PPL: variants seen among roughly 807,000 people sequenced by gnomAD.
The protein encoded by PPL is 190 kDa paraneoplastic pemphigus antigen.
Under a neutral mutation model 194.4 loss-of-function variants are expected in PPL, and 198 were observed. That is an observed-to-expected ratio of 1.02 (90% confidence interval 0.91 to 1.15). The LOEUF (loss-of-function observed/expected upper bound fraction) is 1.15. Ranked by LOEUF, PPL falls within the 50% of genes most tolerant of loss-of-function variation. The probability of loss-of-function intolerance (pLI) is 0.00; values close to 1 mark genes in which losing one functional copy is unlikely to be tolerated. For missense variants in PPL, 2,885 were observed against 2,294.8 expected, an observed-to-expected ratio of 1.26 and a Z score of -5.25; for synonymous variants, 1,220 against 972.4, an observed-to-expected ratio of 1.25 and a Z score of -4.74.
intron 9 of PPL, among the ~76,000 whole-genome samples, chr16:4,896,632 C>A (rs1037478288): frequency 6.9e-6 from 1 of 144,190 alleles, no homozygotes; most frequent in South Asian, 2.2e-4. Context: ...CTAATGAGTA[C>A]GGGGTTGTTT....
intron 1 of PPL, among the ~76,000 whole-genome samples, chr16:4,911,598 A>G (rs1171027500): frequency 1.3e-5 from 2 of 152,172 alleles, no homozygotes; most frequent in Non-Finnish European, 1.5e-5. Flanking sequence ...GTAGCGGCAC[A>G]GTCATGGCTC....
intron 1 of PPL, among the ~76,000 whole-genome samples, chr16:4,934,659 T>A (rs368145882): frequency 6.6e-5 from 10 of 151,974 alleles, no homozygotes; most frequent in African/African-American, 2.4e-4. Context: ...AGCGGGCCCC[T>A]GGAAAACTCA....
At chr16:4,909,490 G>A (rs924452866) in intron 2 of PPL, among the ~76,000 whole-genome samples, 3 of 144,858 alleles carry the variant, frequency 2.1e-5, no homozygotes, top group African/African-American at 5.3e-5. Context: ...GCAGTGGCAC[G>A]ATCTTGGCTC....
intron 1 of PPL, among the ~76,000 whole-genome samples, chr16:4,932,257 G>A (rs1184788258): frequency 1.0e-5 from 1 of 97,986 alleles, no homozygotes; most frequent in African/African-American, 2.7e-5. Context: ...GTATGTGCCT[G>A]AGAAATGGCG....
rs768024930 is a variant in PPL, at chr16:4,883,446, G to A, written c.5209C>T (p.Arg1737Cys). The part of the protein sequence containing the change: ...SGRLTPAQYD[R>C]YVNKDMSIQE... The stretch of plus-strand genomic sequence containing the variant: ...ATGGACATATCCTTGTTGACATAGC[G>A]GTCATACTGAGCAGGGGTCAGCCTG... The change falls in exon 22 of 22, where the codon CGC (arginine) becomes TGC (cysteine). Residue 1737 changes from arginine to cysteine, a missense_variant. Transcript: ENST00000345988. The surrounding 1 kb of genome is among the most constrained non-coding windows in gnomAD (Gnocchi z 4.8). 8 of 1,613,996 alleles carry A rather than the reference G, an allele frequency of 5.0e-6. No individual in the cohort carries two copies. The Admixed American group carries it at 5.0e-5, about 10-fold the overall frequency.
intron 1 of PPL, among the ~76,000 whole-genome samples, chr16:4,916,724 T>A (rs1471819312): frequency 6.6e-6 from 1 of 151,750 alleles, no homozygotes; most frequent in South Asian, 2.1e-4. Flanking sequence ...CAGCTGGTCT[T>A]GAACCCCTGG....
At chr16:4,903,227 G>C (rs181599106) in intron 3 of PPL, among the ~76,000 whole-genome samples, 1,639 of 152,194 alleles carry the variant, frequency 0.011, 14 homozygotes, top group Non-Finnish European at 0.016. Context: ...GCAGGAGTCA[G>C]GGGGGCTGAT....
chr16:4,909,167 T>C lies in PPL; in HGVS notation c.162+1683A>G, dbSNP rs185474745. ...CCACTCCTGGGGCCCCTGCAGGGGA[T>C]AGCTGGTGGCAGAGAACAGAGTCTC... On this transcript the variant is annotated intron_variant, in intron 2 of 21. Transcript: ENST00000345988. Among the ~76,000 whole-genome samples the C allele has an allele frequency of 4.4e-3, 670 of 152,118 alleles. 1 individual carries two copies. The highest frequency in any genetic ancestry group is 6.6e-3 in the Non-Finnish European group (450 of 67,970).
chr16:4,890,209 A>G lies in PPL; in HGVS notation c.2288T>C (p.Met763Thr), dbSNP rs146458916. 1.9e-3 allele frequency: 3,057 copies of G among 1,614,126 alleles called. 108 individuals are homozygous for G. In the Admixed American group the frequency reaches 0.049, roughly 26 times the overall value. ...EPQETDSLSQ[M>T]ETKLKNQKNL... ...CTTCTGGTTCTTCAGCTTGGTCTCC[A>G]TCTGGCTGAGGCTGTCTGTCTCCTG... Residue 763 changes from methionine (M) to threonine (T), a missense_variant, in exon 18 of 22, where the codon ATG (methionine) becomes ACG (threonine). By Grantham distance (81) the Met-to-Thr change is moderately conservative (BLOSUM62 -1). Coordinates refer to ENST00000345988, the MANE Select transcript of PPL (RefSeq NM_002705.5).
rs1039594422 is a variant in PPL, at chr16:4,922,216, G to A, written c.63-11267C>T. On this transcript the variant is annotated intron_variant, in intron 1 of 21. Transcript: ENST00000345988. ...TCTCTGAGCCTCAGTTTCCCCAGCT[G>A]TAAAATGAGAGTCATCACAGTATGC... Among the ~76,000 whole-genome samples, 3 of 152,166 alleles carry A rather than the reference G, an allele frequency of 2.0e-5. No individual in the cohort carries two copies. In the East Asian group the frequency reaches 5.8e-4, roughly 29 times the overall value.
Position 4,894,535 on chromosome 16 carries a change from C to T in PPL, c.1326G>A (p.Lys442=), listed in dbSNP as rs374602429. 35 of 1,613,946 alleles carry T rather than the reference C, an allele frequency of 2.2e-5. No individual in the cohort carries two copies. In the African/African-American group the frequency reaches 3.7e-4, roughly 17 times the overall value. The change falls in exon 12 of 22, where the codon AAG becomes AAA. Residue 442 remains lysine (K), a synonymous_variant. Coordinates refer to ENST00000345988, the MANE Select transcript of PPL (RefSeq NM_002705.5). ...CAAAACACACGGCCGGAGCAATCAG[C>T]TTGTTCCCAGCGCTGTCCATGAGCT... ...SWELMDSAGN[K]LIAPAVCFVI... is the part of the protein sequence containing the mutation.
Position 4,884,373 on chromosome 16 carries a change from C to T in PPL, c.4282G>A (p.Ala1428Thr). ...REVQRLQQRL[A>T]ALEQEEAEAR... ...TCAGCTTCTTCCTGCTCCAGCGCTG[C>T]CAGCCGCTGCTGCAACCGCTGTACC... The change falls in exon 22 of 22, where the codon GCA becomes ACA. Residue 1428 changes from alanine to threonine, a missense_variant. Physicochemically the swap from Ala to Thr is moderately conservative, Grantham distance 58 (BLOSUM62 0). Transcript: ENST00000345988. This position sits in a 1 kb window ranked among gnomAD's most constrained non-coding sequence, Gnocchi z 5.7. 1 of 1,611,838 alleles carries T rather than the reference C, an allele frequency of 6.2e-7. No homozygotes were observed. The highest frequency in any genetic ancestry group is 8.5e-7 in the Non-Finnish European group (1 of 1,179,598).
chr16:4,894,542 C>A lies in PPL; in HGVS notation c.1319G>T (p.Gly440Val). Residue 440 changes from glycine to valine, a missense_variant, in exon 12 of 22, where the codon GGG becomes GTG. Physicochemically the swap from Gly to Val is moderately radical, Grantham distance 109 (BLOSUM62 -3). Coordinates refer to ENST00000345988, the MANE Select transcript of PPL (RefSeq NM_002705.5). ...CACGGCCGGAGCAATCAGCTTGTTC[C>A]CAGCGCTGTCCATGAGCTCCCAGCT... ...GESWELMDSA[G>V]NKLIAPAVCF... The A allele has an allele frequency of 6.2e-7, 1 of 1,613,862 alleles. No homozygotes were observed. Among genetic ancestry groups the A allele is most frequent in the Middle Eastern group, 1.7e-4 (1 of 6,060 alleles).
At chr16:4,932,451 C>T (rs998547012) in intron 1 of PPL, among the ~76,000 whole-genome samples, 3 of 151,614 alleles carry the variant, frequency 2.0e-5, no homozygotes, top group African/African-American at 7.3e-5. Context: ...GCTCTGTCTC[C>T]CAGGCTGGAG....
In PPL at chr16:4,897,742, C is replaced by G; in HGVS notation, c.905G>C (p.Trp302Ser). 6.2e-7 allele frequency: 1 copy of G among 1,613,928 alleles called. No individual in the cohort carries two copies. Among genetic ancestry groups the G allele is most frequent in the East Asian group, 2.2e-5 (1 of 44,878 alleles). Reference sequence around the variant, plus strand: ...GATGAGCAGGTTCAGGTACTCCTTCCAGTCTGCGTGCACAGCCTCCATGTG... The same window carrying G: ...GATGAGCAGGTTCAGGTACTCCTTCGAGTCTGCGTGCACAGCCTCCATGTG... Reference protein sequence around the residue: ...EAHMEAVHADWKEYLNLLICE... With the variant: ...EAHMEAVHADSKEYLNLLICE... The change falls in exon 9 of 22, where the codon TGG becomes TCG. Residue 302 changes from tryptophan (W) to serine (S), a missense_variant. Trp to Ser is a radical substitution (Grantham distance 177). Coordinates refer to ENST00000345988, the MANE Select transcript of PPL (RefSeq NM_002705.5).
At chr16:4,921,338 C>G (rs1228567602) in intron 1 of PPL, among the ~76,000 whole-genome samples, 1 of 152,216 alleles carries the variant, frequency 6.6e-6, no homozygotes, top group Non-Finnish European at 1.5e-5. Context: ...CCTGAACAGC[C>G]ATCTTCTTGT....
At chr16:4,918,446 G>C (rs1355058354) in intron 1 of PPL, among the ~76,000 whole-genome samples, 1 of 152,178 alleles carries the variant, frequency 6.6e-6, no homozygotes, top group East Asian at 1.9e-4. Context: ...AACTCCTAGA[G>C]AGCTATTTGT....
chr16:4,935,174 A>G (rs1417310632), intron 1 of PPL, among the ~76,000 whole-genome samples: 1 of 152,158 alleles, frequency 6.6e-6, no homozygotes, highest in East Asian at 1.9e-4. Flanking sequence ...CTGCAGCTAT[A>G]AAGGATGGGA....
rs747257221 is a variant in PPL at position 4,887,149 on chromosome 16, T to G, written c.2593A>C (p.Asn865His). The G allele has an allele frequency of 2.5e-6, 4 of 1,613,748 alleles. No homozygotes were observed. The highest frequency in any genetic ancestry group is 1.3e-5 in the African/African-American group (1 of 75,036). Residue 865 changes from asparagine (N) to histidine (H), a missense_variant, in exon 21 of 22, where the codon AAT (asparagine) becomes CAT (histidine). By Grantham distance (68) the Asn-to-His change is moderately conservative. Coordinates refer to ENST00000345988, the MANE Select transcript of PPL (RefSeq NM_002705.5). Reference protein sequence around the residue: ...QRLQNLEFALNLLRQQPEVEV... With the variant: ...QRLQNLEFALHLLRQQPEVEV... Reference sequence around the variant, plus strand: ...AGATCAGTTACCTGTCTGAGGAGATTCAGAGCAAACTCCAGATTCTGCAGC... The same window carrying G: ...AGATCAGTTACCTGTCTGAGGAGATGCAGAGCAAACTCCAGATTCTGCAGC...
Sources: gnomAD v4.1 joint callset for allele counts (sites outside exome capture counted in the v4.1 genomes callset) on GRCh38, gnomAD v4.1.1 for gene constraint, Gnocchi (gnomAD v3.1) non-coding constraint, MANE v1.5 for transcripts, NCBI Gene and HGNC (gene_info 2026-07-23, HGNC 2026-07-21) for gene names.